The following NFYC variants were observed in gnomAD, a reference collection of about 807,000 sequenced individuals.
NFYC encodes CAAT box DNA-binding protein subunit C.
NFYC carries 25 observed loss-of-function variants against 53.1 expected under a neutral mutation model. The observed-to-expected ratio is 0.47, with a 90% CI of 0.34 to 0.66. The LOEUF is 0.66. Ranked by LOEUF, NFYC falls within the 30% of genes least tolerant of loss-of-function variation. The pLI, the probability that NFYC is intolerant of heterozygous loss-of-function variation, is 0.01. For missense variants in NFYC, 260 were observed against 422.7 expected (o/e 0.62, Z 3.38); for synonymous variants, 145 against 152.6 (o/e 0.95, Z 0.37).
At chr1:40,738,586 A>G (rs1645176895) in intron 1 of NFYC, among the ~76,000 whole-genome samples, 1 of 152,234 alleles carries the variant, frequency 6.6e-6, no homozygotes, top group South Asian at 2.1e-4. Context: ...ATTTCTAGCA[A>G]CTTTTGATAT....
intron 1 of NFYC, among the ~76,000 whole-genome samples, chr1:40,726,178 C>T (rs1285915432): frequency 1.3e-5 from 2 of 151,752 alleles, no homozygotes; most frequent in African/African-American, 2.4e-5. Context: ...AGTGCAGTGG[C>T]GCCATCTCAG....
intron 6 of NFYC, among the ~76,000 whole-genome samples, chr1:40,761,164 C>CAGT (rs1160840528): frequency 3.3e-5 from 5 of 152,212 alleles, no homozygotes; most frequent in African/African-American, 1.2e-4. Flanking sequence ...TGGGTTGATA[C>CAGT]AGTACAGTGA....
intron 4 of NFYC, among the ~76,000 whole-genome samples, chr1:40,750,270 A>G (rs533172839): frequency 6.6e-6 from 1 of 152,304 alleles, no homozygotes; most frequent in South Asian, 2.1e-4. Flanking sequence ...CTTAGAGGAA[A>G]GATTTCCCAG....
intron 1 of NFYC, among the ~76,000 whole-genome samples, chr1:40,719,752 G>T (rs1041510352): frequency 6.6e-6 from 1 of 152,172 alleles, no homozygotes; most frequent in Non-Finnish European, 1.5e-5. Flanking sequence ...TGTGTTTTCT[G>T]TTGTTATCAA....
At chr1:40,751,918 A>G (rs1209324012) in intron 4 of NFYC, among the ~76,000 whole-genome samples, 3 of 152,060 alleles carry the variant, frequency 2.0e-5, no homozygotes, top group Non-Finnish European at 2.9e-5. Context: ...GGGAGGGTTT[A>G]TCGTCAAGCT....
At chr1:40,741,214 C>T (rs1645325241) in intron 2 of NFYC, among the ~76,000 whole-genome samples, 1 of 152,000 alleles carries the variant, frequency 6.6e-6, no homozygotes, top group Admixed American at 6.6e-5. Flanking sequence ...GGTTAGAAAA[C>T]GATGTGCATT....
At chr1:40,738,182 G>A (rs906698073) in intron 1 of NFYC, among the ~76,000 whole-genome samples, 11 of 152,090 alleles carry the variant, frequency 7.2e-5, no homozygotes, top group Non-Finnish European at 1.0e-4. Context: ...GATTACAGGC[G>A]TGAGCCACCG....
Position 40,747,614 on chromosome 1 carries a change from A to T in NFYC, c.177+9A>T. 1 of 1,589,384 alleles carries T rather than the reference A, an allele frequency of 6.3e-7. No homozygotes were observed. Among genetic ancestry groups the T allele is most frequent in the Non-Finnish European group, 8.6e-7 (1 of 1,158,380 alleles). On this transcript the variant is annotated intron_variant, in intron 3 of 9. Transcript: ENST00000447388. ...TGGATGAAGATGTGAAGGTGAATTC[A>T]CATTCATTTTTATTATTTCTTATTG...
intron 1 of NFYC, among the ~76,000 whole-genome samples, chr1:40,694,133 C>T (rs958563540): frequency 2.0e-5 from 3 of 152,196 alleles, no homozygotes; most frequent in African/African-American, 7.2e-5. Flanking sequence ...TGCCAAATGG[C>T]GAGGAACTAC....
intron 1 of NFYC, among the ~76,000 whole-genome samples, chr1:40,704,030 G>C (rs561869135): frequency 6.6e-6 from 1 of 151,784 alleles, no homozygotes; most frequent in Non-Finnish European, 1.5e-5. Flanking sequence ...GAGTATTAAA[G>C]CTTCAACCGT....
chr1:40,727,634 G>A (rs1644580610), intron 1 of NFYC, among the ~76,000 whole-genome samples: 1 of 150,816 alleles, frequency 6.6e-6, no homozygotes, highest in African/African-American at 2.4e-5. Context: ...AGATTCAAGT[G>A]ATTCTCCTGC....
At chr1:40,692,788 T>G (rs1302960018) in intron 1 of NFYC, among the ~76,000 whole-genome samples, 1 of 152,108 alleles carries the variant, frequency 6.6e-6, no homozygotes, top group Non-Finnish European at 1.5e-5. Flanking sequence ...AGCACAGCAT[T>G]AAGTAGTATC....
At chr1:40,694,856 C>T (rs1643038481) in intron 1 of NFYC, among the ~76,000 whole-genome samples, 1 of 152,198 alleles carries the variant, frequency 6.6e-6, no homozygotes, top group African/African-American at 2.4e-5. Flanking sequence ...AGGCAGAAAT[C>T]ATACTAAGAT....
intron 1 of NFYC, among the ~76,000 whole-genome samples, chr1:40,722,059 T>A (rs1304123755): frequency 6.6e-6 from 1 of 152,078 alleles, no homozygotes; most frequent in African/African-American, 2.4e-5. Context: ...TGGTCCCAGC[T>A]ACTTGGGAGG....
At chr1:40,710,189 T>G (rs1381762545) in intron 1 of NFYC, among the ~76,000 whole-genome samples, 1 of 152,256 alleles carries the variant, frequency 6.6e-6, no homozygotes, top group East Asian at 1.9e-4. Flanking sequence ...ATCTTTGTTT[T>G]TAATGCACAT....
intron 1 of NFYC, among the ~76,000 whole-genome samples, chr1:40,730,837 A>C (rs1644736697): frequency 6.6e-6 from 1 of 152,230 alleles, no homozygotes. Context: ...ATGTCTTCCC[A>C]GGATGGTTCA....
intron 2 of NFYC, among the ~76,000 whole-genome samples, chr1:40,743,674 A>T (rs1276468128): frequency 6.6e-6 from 1 of 152,200 alleles, no homozygotes; most frequent in African/African-American, 2.4e-5. Flanking sequence ...ATAACTGTTT[A>T]AACAAGAACT....
chr1:40,746,467 G>T (rs561080841), intron 2 of NFYC, among the ~76,000 whole-genome samples: 2 of 152,242 alleles, frequency 1.3e-5, no homozygotes, highest in East Asian at 3.9e-4. Context: ...GTTCACTTAT[G>T]CTTGTTAATT....
intron 6 of NFYC, among the ~76,000 whole-genome samples, chr1:40,760,739 T>C (rs140039116): frequency 1.4e-4 from 21 of 151,952 alleles, no homozygotes; most frequent in Non-Finnish European, 2.1e-4. Context: ...AAGGTAATTA[T>C]GATTTTAGGA....
Sources: allele counts gnomAD v4.1 joint callset (sites outside exome capture counted in the v4.1 genomes callset), GRCh38; gene constraint gnomAD v4.1.1; transcripts MANE v1.5; gene names NCBI Gene and HGNC (gene_info 2026-07-23, HGNC 2026-07-21).